The following CACNA1I variants were observed in gnomAD, a reference collection of about 807,000 sequenced individuals.
CACNA1I encodes voltage-dependent T-type calcium channel subunit alpha-1I.
Under a neutral mutation model 201.6 loss-of-function variants are expected in CACNA1I, and 74 were observed. The observed-to-expected ratio is 0.37, with a 90% CI of 0.30 to 0.45. The LOEUF (loss-of-function observed/expected upper bound fraction) is 0.45. Ranked by LOEUF, CACNA1I falls within the 20% of genes least tolerant of loss-of-function variation. CACNA1I has a pLI of 1.00. For synonymous variants in CACNA1I, 1,431 were observed against 1,345.2 expected, an observed-to-expected ratio of 1.06 and a Z score of -1.40; for missense variants, 2,346 against 3,138.1, an observed-to-expected ratio of 0.75 and a Z score of 6.03.
chr22:39,619,937 ATCCATCCATCCATCCGTCCGTCCG>A (rs1933677823), intron 4 of CACNA1I, among the ~76,000 whole-genome samples: 1 of 149,382 alleles, frequency 6.7e-6, no homozygotes, highest in Non-Finnish European at 1.5e-5. Context: ...CCACCTGTCC[ATCCATCCATCCATCCGTCCGTCCG>A]TCCATCCATC....
intron 1 of CACNA1I, 60 bp downstream of exon 1, chr22:39,571,048 A>G (rs1333486044): frequency 7.2e-7 from 1 of 1,392,686 alleles, no homozygotes; most frequent in Non-Finnish European, 1.0e-6. Flanking sequence ...GGGGGGCTGG[A>G]TTGAGTCCTG....
chr22:39,657,769 C>T lies in CACNA1I; in HGVS notation c.1993-383C>T, dbSNP rs138347915. ...CACTAAATGGGTTAGTGACGTCTAG[C>T]GACGCCTGTCCTGCTTTCCTGTCTT... is the stretch of plus-strand genomic sequence containing the variant. On this transcript the variant is annotated intron_variant, in intron 10 of 36. Transcript: ENST00000402142. Among the ~76,000 whole-genome samples the T allele has an allele frequency of 1.5e-3, 229 of 152,354 alleles. 2 individuals carry two copies. Among genetic ancestry groups the T allele is most frequent in the African/African-American group, 5.3e-3 (220 of 41,578 alleles).
At chr22:39,607,002 A>G (rs1245972268) in intron 3 of CACNA1I, among the ~76,000 whole-genome samples, 1 of 152,124 alleles carries the variant, frequency 6.6e-6, no homozygotes, top group East Asian at 1.9e-4. Flanking sequence ...CAGAAACAAA[A>G]TGGCCATTGC....
At position 39,674,045 on chromosome 22, in the gene CACNA1I, T is replaced by C; in HGVS notation, c.4854+12T>C. 2 of 1,612,302 alleles carry C rather than the reference T, an allele frequency of 1.2e-6. No homozygotes were observed. The highest frequency in any genetic ancestry group is 2.2e-5 in the South Asian group (2 of 91,050). On this transcript the variant is annotated intron_variant, in intron 29 of 36. Transcript: ENST00000402142. Reference sequence around the variant, plus strand: ...AAGCTTTGCCCCAGGTAAGAGCCACTCTTTCTGGCAGCCCTCCTAGGGGTC... The same window carrying C: ...AAGCTTTGCCCCAGGTAAGAGCCACCCTTTCTGGCAGCCCTCCTAGGGGTC...
intron 10 of CACNA1I, among the ~76,000 whole-genome samples, chr22:39,652,599 C>T (rs925633492): frequency 5.3e-5 from 8 of 152,154 alleles, no homozygotes; most frequent in Non-Finnish European, 1.0e-4. Flanking sequence ...GATCACATAA[C>T]GTTTGGGTTT....
intron 1 of CACNA1I, among the ~76,000 whole-genome samples, chr22:39,593,478 T>A (rs1283307534): frequency 3.3e-5 from 5 of 152,136 alleles, no homozygotes; most frequent in African/African-American, 1.2e-4. Flanking sequence ...AGAGGTGACC[T>A]GCGAACTGGG....
intron 3 of CACNA1I, among the ~76,000 whole-genome samples, chr22:39,606,615 C>T (rs1172534991): frequency 6.6e-6 from 1 of 152,256 alleles, no homozygotes; most frequent in African/African-American, 2.4e-5. Context: ...TCACTACAAC[C>T]TCAGCTTCCT....
At chr22:39,672,856 T>G in intron 27 of CACNA1I, 93 bp from the exon 28 acceptor site, 1 of 1,398,854 alleles carries the variant, frequency 7.1e-7, no homozygotes, top group Non-Finnish European at 9.7e-7. Context: ...AATAGAAGGG[T>G]CAGGACCTGG....
intron 1 of CACNA1I, among the ~76,000 whole-genome samples, chr22:39,590,968 T>C (rs975646713): frequency 6.6e-6 from 1 of 151,934 alleles, no homozygotes; most frequent in African/African-American, 2.4e-5. Context: ...ATCTCAACCT[T>C]CTAAGTAGCA....
At chr22:39,582,149 T>C (rs1178763283) in intron 1 of CACNA1I, among the ~76,000 whole-genome samples, 1 of 152,170 alleles carries the variant, frequency 6.6e-6, no homozygotes, top group Non-Finnish European at 1.5e-5. Flanking sequence ...CCCACACACA[T>C]GTCACAGTGA....
At chr22:39,589,844 C>A (rs1480182230) in intron 1 of CACNA1I, among the ~76,000 whole-genome samples, 1 of 152,202 alleles carries the variant, frequency 6.6e-6, no homozygotes, top group Non-Finnish European at 1.5e-5. Flanking sequence ...GGATGGAGCC[C>A]CCAGCCCCTT....
chr22:39,686,631 T>TATATATATATATATGC lies in CACNA1I; in HGVS notation c.*240_*241insGCATATATATATATAT, dbSNP rs1935893838. 2 of 117,884 alleles carry TATATATATATATATGC rather than the reference T, an allele frequency of 1.7e-5. No individual in the cohort carries two copies. Among genetic ancestry groups the TATATATATATATATGC allele is most frequent in the African/African-American group, 1.4e-4 (2 of 14,630 alleles). The allele number at this position is 117,884 out of a possible 1,614,324, so 7.3% of individuals were successfully genotyped here. A position where few individuals can be genotyped will look rare whatever the true frequency, so the allele number is the denominator to read the frequency against. ...ATACATATATATATATATATGCATA[T>TATATATATATATATGC]ATATATATATATATATATATATGTG... On this transcript the variant is annotated 3_prime_UTR_variant, in exon 37 of 37. Coordinates refer to ENST00000402142, the MANE Select transcript of CACNA1I (RefSeq NM_021096.4).
chr22:39,675,327 G>T (rs530319940), intron 29 of CACNA1I, among the ~76,000 whole-genome samples: 1 of 152,218 alleles, frequency 6.6e-6, no homozygotes, highest in Admixed American at 6.5e-5. Context: ...GCTGCTAGGG[G>T]TGGGGATGGT....
chr22:39,632,574 CTG>C (rs1453922046), intron 4 of CACNA1I, among the ~76,000 whole-genome samples: 1 of 143,252 alleles, frequency 7.0e-6, no homozygotes, highest in South Asian at 2.6e-4. Context: ...GCTGTGAGCT[CTG>C]TGTGTGTGTG....
Position 39,670,971 on chromosome 22 carries a change from C to T in CACNA1I, c.4539+17C>T. ...CAGCCCACGGTGAGCCCTGGTCTGC[C>T]TCCCAGCCCAAGGTTACAAGGTGAG... On this transcript the variant is annotated intron_variant, in intron 26 of 36. Transcript: ENST00000402142. The T allele has an allele frequency of 6.2e-7, 1 of 1,612,866 alleles. No homozygotes were observed. Among genetic ancestry groups the T allele is most frequent in the Non-Finnish European group, 8.5e-7 (1 of 1,179,024 alleles).
At position 39,681,028 on chromosome 22, in the gene CACNA1I, C is replaced by T; in HGVS notation, c.5640C>T (p.Cys1880=). The change falls in exon 34 of 37, where the codon TGC becomes TGT. Residue 1880 remains cysteine (C), a synonymous_variant. Coordinates refer to ENST00000402142, the MANE Select transcript of CACNA1I (RefSeq NM_021096.4). ...TGAGTCTCGAGGACCCCACAGCCTG[C>T]CCACCTGGCCGCAAAGACAGCAAGG... ...DDLSLEDPTA[C]PPGRKDSKGE... is the part of the protein sequence containing the mutation. 6.2e-7 allele frequency: 1 copy of T among 1,610,208 alleles called. No homozygotes were observed. Among genetic ancestry groups the T allele is most frequent in the Non-Finnish European group, 8.5e-7 (1 of 1,179,090 alleles).
chr22:39,600,722 C>T, intron 3 of CACNA1I, 69 bp downstream of exon 3: 1 of 1,481,908 alleles, frequency 6.7e-7, no homozygotes, highest in Non-Finnish European at 8.9e-7. Context: ...GAATCCAGGG[C>T]TTCTTGCTGA....
intron 3 of CACNA1I, among the ~76,000 whole-genome samples, chr22:39,616,502 C>G (rs866997971): frequency 2.6e-5 from 4 of 152,186 alleles, no homozygotes; most frequent in Middle Eastern, 6.8e-3. Flanking sequence ...CGGTGGCTCA[C>G]GCCTGTAATC....
intron 1 of CACNA1I, among the ~76,000 whole-genome samples, chr22:39,588,128 ATTTTTTT>A (rs35332612): frequency 3.3e-5 from 3 of 90,564 alleles, no homozygotes; most frequent in Non-Finnish European, 6.3e-5. Context: ...GTTGCTCTTC[ATTTTTTT>A]TTTTTTTTTT....
Sources: allele counts gnomAD v4.1 joint callset (sites outside exome capture counted in the v4.1 genomes callset), GRCh38; gene constraint gnomAD v4.1.1; transcripts MANE v1.5; gene names NCBI Gene and HGNC (gene_info 2026-07-23, HGNC 2026-07-21).